Variants in UBE2E2 observed in about 807,000 individuals in gnomAD.
The protein encoded by UBE2E2 is ubiquitin-conjugating enzyme E2 E2.
In UBE2E2, 6 loss-of-function variants were observed where a neutral mutation model predicts 24.7. The ratio of observed to expected loss-of-function variants is 0.24; its 90% CI spans 0.13 to 0.48. UBE2E2 has a LOEUF of 0.48. Ranked by LOEUF, UBE2E2 falls within the 20% of genes least tolerant of loss-of-function variation. The probability of loss-of-function intolerance (pLI) is 0.99; values close to 1 mark genes in which losing one functional copy is unlikely to be tolerated. For missense variants in UBE2E2, 169 were observed against 245.0 expected (o/e 0.69, Z 2.07); for synonymous variants, 104 against 83.6 (o/e 1.24, Z -1.33).
intron 3 of UBE2E2, among the ~76,000 whole-genome samples, chr3:23,273,446 G>A (rs894841074): frequency 1.1e-4 from 16 of 152,022 alleles, no homozygotes; most frequent in South Asian, 1.0e-3. Context: ...CAGGAGAATG[G>A]TGTGAACCCA....
At chr3:23,487,017 G>T (rs1375090424) in intron 3 of UBE2E2, among the ~76,000 whole-genome samples, 1 of 152,166 alleles carries the variant, frequency 6.6e-6, no homozygotes, top group Admixed American at 6.5e-5. Flanking sequence ...TATCTGTGGT[G>T]CCCAGGCTGT....
At chr3:23,547,261 G>C (rs2125496358) in intron 5 of UBE2E2, among the ~76,000 whole-genome samples, 1 of 152,236 alleles carries the variant, frequency 6.6e-6, no homozygotes, top group Non-Finnish European at 1.5e-5. Context: ...TGTTTAGTAG[G>C]TTCTTGGTCT....
chr3:23,235,787 G>C (rs1697088332), intron 3 of UBE2E2, among the ~76,000 whole-genome samples: 1 of 152,080 alleles, frequency 6.6e-6, no homozygotes, highest in Non-Finnish European at 1.5e-5. Context: ...GGTGGTGCCT[G>C]TTTTGAGATG....
rs927291926 is a variant in UBE2E2 at position 23,480,177 on chromosome 3, C to T, written c.228-19431C>T. Among the ~76,000 whole-genome samples the T allele has an allele frequency of 2.6e-5, 4 of 152,196 alleles. No individual in the cohort carries two copies. The East Asian group carries it at 5.8e-4, about 22-fold the overall frequency. On this transcript the variant is annotated intron_variant, in intron 3 of 5. Transcript: ENST00000396703. ...GTGCCCCCGGCCTCCCTCCTGCACT[C>T]GTAGGTGTCTAAAGTCTGGAAGGAG...
At chr3:23,538,387 C>T (rs1469121634) in intron 5 of UBE2E2, among the ~76,000 whole-genome samples, 1 of 152,128 alleles carries the variant, frequency 6.6e-6, no homozygotes, top group African/African-American at 2.4e-5. Context: ...ACTGGCACCT[C>T]ATACAAAGAA....
chr3:23,504,083 T>G (rs968993820), intron 4 of UBE2E2, among the ~76,000 whole-genome samples: 4 of 152,216 alleles, frequency 2.6e-5, no homozygotes, highest in African/African-American at 7.2e-5. Context: ...GACTTTTGTT[T>G]CCTTCATTTG....
intron 3 of UBE2E2, among the ~76,000 whole-genome samples, chr3:23,285,461 G>A (rs985029291): frequency 6.6e-6 from 1 of 152,164 alleles, no homozygotes; most frequent in South Asian, 2.1e-4. Flanking sequence ...ACTGTTCTCT[G>A]TAGTGGTTGT....
At chr3:23,495,581 G>GT (rs1268641849) in intron 3 of UBE2E2, among the ~76,000 whole-genome samples, 7 of 152,132 alleles carry the variant, frequency 4.6e-5, no homozygotes, top group African/African-American at 1.7e-4. Flanking sequence ...AAGTAATGTT[G>GT]TAACTATAAA....
intron 3 of UBE2E2, among the ~76,000 whole-genome samples, chr3:23,240,545 T>G (rs1345828684): frequency 1.3e-5 from 2 of 152,252 alleles, no homozygotes; most frequent in Non-Finnish European, 2.9e-5. Context: ...GAGGTATCTT[T>G]GTGTCTGTGG....
chr3:23,389,031 GA>G (rs921913490), intron 3 of UBE2E2, among the ~76,000 whole-genome samples: 2 of 149,002 alleles, frequency 1.3e-5, no homozygotes, highest in African/African-American at 2.5e-5. Context: ...AAAAGAAAAA[GA>G]AAAAAACATA....
intron 3 of UBE2E2, among the ~76,000 whole-genome samples, chr3:23,411,588 C>T (rs1210718810): frequency 1.3e-5 from 2 of 152,134 alleles, no homozygotes; most frequent in Admixed American, 1.3e-4. Flanking sequence ...CTAAATTAAA[C>T]ATTTTAAATT....
intron 5 of UBE2E2, among the ~76,000 whole-genome samples, chr3:23,562,275 T>A (rs1414566085): frequency 6.6e-6 from 1 of 152,192 alleles, no homozygotes; most frequent in Non-Finnish European, 1.5e-5. Flanking sequence ...GTTTTTAGCA[T>A]GAAGCGTTGT....
intron 4 of UBE2E2, among the ~76,000 whole-genome samples, chr3:23,502,135 C>T (rs1272260522): frequency 6.6e-6 from 1 of 152,020 alleles, no homozygotes; most frequent in Non-Finnish European, 1.5e-5. Flanking sequence ...GATGTAACAA[C>T]TCCATGCCTT....
intron 5 of UBE2E2, among the ~76,000 whole-genome samples, chr3:23,551,538 T>C (rs931394749): frequency 6.6e-6 from 1 of 152,326 alleles, no homozygotes; most frequent in Admixed American, 6.5e-5. Context: ...CTTACATGGC[T>C]GGCCATTTAC....
At chr3:23,365,857 A>T (rs1360446034) in intron 3 of UBE2E2, among the ~76,000 whole-genome samples, 1 of 152,230 alleles carries the variant, frequency 6.6e-6, no homozygotes, top group Non-Finnish European at 1.5e-5. Context: ...ACCCAACTTC[A>T]AACTATATTA....
chr3:23,480,553 C>T (rs1256921888), intron 3 of UBE2E2, among the ~76,000 whole-genome samples: 6 of 151,768 alleles, frequency 4.0e-5, no homozygotes, highest in East Asian at 1.9e-4. Context: ...GCGCCTCCCC[C>T]ACTACAGCTG....
chr3:23,476,293 G>A (rs1699137211), intron 3 of UBE2E2, among the ~76,000 whole-genome samples: 2 of 152,086 alleles, frequency 1.3e-5, no homozygotes, highest in South Asian at 4.1e-4. Flanking sequence ...TCGTAACACT[G>A]ATAGTGATTC....
At chr3:23,393,587 T>G (rs1697004551) in intron 3 of UBE2E2, among the ~76,000 whole-genome samples, 1 of 152,164 alleles carries the variant, frequency 6.6e-6, no homozygotes, top group South Asian at 2.1e-4. Flanking sequence ...GAACCACTGT[T>G]TTAGAGGCAC....
intron 5 of UBE2E2, among the ~76,000 whole-genome samples, chr3:23,582,279 G>T (rs188380806): frequency 6.6e-6 from 1 of 151,762 alleles, no homozygotes; most frequent in Non-Finnish European, 1.5e-5. Context: ...TATATACCAC[G>T]GTTTTTTTCT....
Sources: gnomAD v4.1 joint callset for allele counts (sites outside exome capture counted in the v4.1 genomes callset) on GRCh38, gnomAD v4.1.1 for gene constraint, MANE v1.5 for transcripts, NCBI Gene and HGNC (gene_info 2026-07-23, HGNC 2026-07-21) for gene names.